The following ELL variants were observed in gnomAD, a reference collection of about 807,000 sequenced individuals.
The protein encoded by ELL is RNA polymerase II elongation factor ELL.
In ELL, 18 loss-of-function variants were observed where a neutral mutation model predicts 64.0. That is an observed-to-expected ratio of 0.28 (90% confidence interval 0.19 to 0.42). The LOEUF is 0.42. Among genes scored for constraint, ELL ranks in the 10% least tolerant of loss-of-function variants. ELL has a pLI of 1.00. For missense variants in ELL, 797 were observed against 870.4 expected, an observed-to-expected ratio of 0.92 and a Z score of 1.06; for synonymous variants, 399 against 376.2, an observed-to-expected ratio of 1.06 and a Z score of -0.70.
intron 1 of ELL, among the ~76,000 whole-genome samples, chr19:18,502,349 T>C (rs1263703003): frequency 1.3e-5 from 2 of 151,924 alleles, no homozygotes; most frequent in Non-Finnish European, 2.9e-5. Flanking sequence ...CAACTACGTC[T>C]TCTGAGTTGT....
rs1464278089 is a variant in ELL, at chr19:18,465,732, G to A, written c.305+65C>T. ...TTTCAATGGGGCACATCTCAACCCT[G>A]GGCCAGAGGTGGCAGGGTGACCTCA... On this transcript the variant is annotated intron_variant, in intron 3 of 11. Transcript: ENST00000262809. 9 of 1,431,004 alleles carry A rather than the reference G, an allele frequency of 6.3e-6. No homozygotes were observed. In the East Asian group the frequency reaches 2.4e-4, roughly 38 times the overall value. The allele number at this position is 1,431,004 out of a possible 1,614,324, so 88.6% of individuals were successfully genotyped here.
chr19:18,521,627 G>A (rs1453100441), intron 1 of ELL, among the ~76,000 whole-genome samples: 2 of 152,064 alleles, frequency 1.3e-5, no homozygotes. Flanking sequence ...AGGCCAGAAA[G>A]GCCCCGGACG....
At chr19:18,451,472 G>T in intron 7 of ELL, 80 bp downstream of exon 7, 1 of 1,219,334 alleles carries the variant, frequency 8.2e-7, no homozygotes, top group Non-Finnish European at 1.1e-6. Context: ...AGCTGGTGAG[G>T]AAGGTGACAA....
In ELL at chr19:18,446,357, C is replaced by G. The variant is rs777438862; in HGVS notation, c.1656G>C (p.Gln552His). 10 of 1,606,240 alleles carry G rather than the reference C, an allele frequency of 6.2e-6. No homozygotes were observed. The East Asian group carries it at 2.0e-4, about 32-fold the overall frequency. The change falls in exon 10 of 12, where the codon CAG becomes CAC. Residue 552 changes from glutamine to histidine, a missense_variant. Physicochemically the swap from Gln to His is conservative, Grantham distance 24 (BLOSUM62 0). Transcript: ENST00000262809. ...RIERITRRFT[Q>H]LDAQLRQLSQ... is the part of the protein sequence containing the mutation. The stretch of plus-strand genomic sequence containing the variant: ...AGAGCTGCCGGAGCTGGGCGTCGAG[C>G]TGGGTGAACCGCCGCGTGATGCGCT...
chr19:18,478,942 TGA>T (rs753477400), intron 1 of ELL, among the ~76,000 whole-genome samples: 10 of 152,168 alleles, frequency 6.6e-5, no homozygotes, highest in Non-Finnish European at 1.0e-4. Context: ...TGGGAGGCAG[TGA>T]GAGTCCTCAA....
intron 6 of ELL, among the ~76,000 whole-genome samples, chr19:18,453,205 C>T (rs1198480918): frequency 2.0e-5 from 3 of 152,164 alleles, no homozygotes; most frequent in Non-Finnish European, 2.9e-5. Flanking sequence ...ACCCGGGAGG[C>T]GGAGGTTGCA....
rs982740984 is a variant in ELL at position 18,443,996 on chromosome 19, A to G, written c.*756T>C. ...GAGTCTCAACTTGGAGCACAGAAACACAGTGGCCCCCGACAGCTGAGGGCC... is the reference window on the plus strand; with the variant it reads ...GAGTCTCAACTTGGAGCACAGAAACGCAGTGGCCCCCGACAGCTGAGGGCC... On this transcript the variant is annotated 3_prime_UTR_variant, in exon 12 of 12. Coordinates refer to ENST00000262809, the MANE Select transcript of ELL (RefSeq NM_006532.4). 4.3e-6 allele frequency: 1 copy of G among 232,116 alleles called. No individual in the cohort carries two copies. The highest frequency in any genetic ancestry group is 8.5e-6 in the Non-Finnish European group (1 of 117,440). 14.4% of individuals were successfully genotyped at this position (232,116 alleles called of 1,614,324 possible).
At position 18,473,133 on chromosome 19, in the gene ELL, G is replaced by A. The variant is rs1257840037; in HGVS notation, c.136-251C>T. 11 of 678,448 alleles carry A rather than the reference G, an allele frequency of 1.6e-5. No individual in the cohort carries two copies. The African/African-American group carries it at 1.9e-4, about 12-fold the overall frequency. 42.0% of individuals were successfully genotyped at this position (678,448 alleles called of 1,614,324 possible). On this transcript the variant is annotated intron_variant, in intron 1 of 11. Coordinates refer to ENST00000262809, the MANE Select transcript of ELL (RefSeq NM_006532.4). Reference sequence around the variant, plus strand: ...ATGACAGGTAAGAATGGGGCCTCCAGACACAGGCAACAGGCTGGCGGAAGG... The same window carrying A: ...ATGACAGGTAAGAATGGGGCCTCCAAACACAGGCAACAGGCTGGCGGAAGG...
intron 4 of ELL, among the ~76,000 whole-genome samples, chr19:18,465,185 A>G (rs1038285282): frequency 1.3e-5 from 2 of 152,240 alleles, no homozygotes; most frequent in Admixed American, 1.3e-4. Context: ...AGCAGCTGCC[A>G]TAACCCAACC....
chr19:18,476,206 G>A (rs1975171189), intron 1 of ELL, among the ~76,000 whole-genome samples: 1 of 152,210 alleles, frequency 6.6e-6, no homozygotes, highest in South Asian at 2.1e-4. Context: ...CAGAGAGCAG[G>A]TGGGCCCCGT....
intron 1 of ELL, among the ~76,000 whole-genome samples, chr19:18,476,320 A>ACTC: frequency 6.6e-6 from 1 of 152,232 alleles, no homozygotes; most frequent in South Asian, 2.1e-4. Flanking sequence ...TGAGCCAGGG[A>ACTC]TGAGGGCTCA....
chr19:18,495,292 G>C (rs1364391126), intron 1 of ELL, among the ~76,000 whole-genome samples: 1 of 152,132 alleles, frequency 6.6e-6, no homozygotes, highest in Non-Finnish European at 1.5e-5. Flanking sequence ...GGCATGACAA[G>C]GCTCGGGAGC....
At position 18,473,295 on chromosome 19, in the gene ELL, T is replaced by C; in HGVS notation, c.136-413A>G. The C allele has an allele frequency of 6.4e-6, 3 of 469,830 alleles. No individual in the cohort carries two copies. In the Admixed American group the frequency reaches 7.2e-5, roughly 11 times the overall value. The allele number at this position is 469,830 out of a possible 1,614,324, so 29.1% of individuals were successfully genotyped here. A position where few individuals can be genotyped will look rare whatever the true frequency, so the allele number is the denominator to read the frequency against. On this transcript the variant is annotated intron_variant, in intron 1 of 11. Coordinates refer to ENST00000262809, the MANE Select transcript of ELL (RefSeq NM_006532.4). ...AGCAAAGACAGGTCAGGGTTGACCC[T>C]GGATCATGACTCTCCCAAGGACCCA... is the stretch of plus-strand genomic sequence containing the variant.
chr19:18,480,147 C>T (rs1440775218), intron 1 of ELL, among the ~76,000 whole-genome samples: 1 of 152,254 alleles, frequency 6.6e-6, no homozygotes, highest in South Asian at 2.1e-4. Flanking sequence ...TGCCAAGCCA[C>T]GGCGTGTGGT....
intron 1 of ELL, among the ~76,000 whole-genome samples, chr19:18,497,307 G>C (rs139894130): frequency 6.6e-6 from 1 of 152,340 alleles, no homozygotes; most frequent in East Asian, 1.9e-4. Context: ...TACAGAACAC[G>C]CTGGAGAAAA....
intron 1 of ELL, among the ~76,000 whole-genome samples, chr19:18,508,612 C>T (rs1975934694): frequency 6.6e-6 from 1 of 152,232 alleles, no homozygotes; most frequent in Non-Finnish European, 1.5e-5. Flanking sequence ...ACAGTGGTTC[C>T]ATTAACACAC....
At chr19:18,473,421 C>G (rs117512253) in intron 1 of ELL, among the ~76,000 whole-genome samples, 2,716 of 152,344 alleles carry the variant, frequency 0.018, 34 homozygotes, top group Non-Finnish European at 0.028. Context: ...CTTTTAACAA[C>G]CAGGTGGGTG....
rs1228055509 is a variant in ELL, at chr19:18,446,489, G to A, written c.1533-9C>T. ...AGATGGCTGCGTACTTCCTGAAACA[G>A]GAGAGAGGGGCCACTGAGTGGAGGC... is the stretch of plus-strand genomic sequence containing the variant. On this transcript the variant is annotated splice_polypyrimidine_tract_variant and intron_variant, in intron 9 of 11. Coordinates refer to ENST00000262809, the MANE Select transcript of ELL (RefSeq NM_006532.4). 1 of 1,609,730 alleles carries A rather than the reference G, an allele frequency of 6.2e-7. No homozygotes were observed. Among genetic ancestry groups the A allele is most frequent in the Admixed American group, 1.7e-5 (1 of 59,854 alleles).
chr19:18,450,878 T>C lies in ELL; in HGVS notation c.1064A>G (p.Lys355Arg). ...TQRAQPAVNG[K>R]LGVPNGREAL... ...CTCACGGCCATTGGGCACGCCCAGC[T>C]TCCCGTTGACGGCAGGCTGAGCTCT... The change falls in exon 8 of 12, where the codon AAG becomes AGG. Residue 355 changes from lysine to arginine, a missense_variant. Physicochemically the swap from Lys to Arg is conservative, Grantham distance 26. Coordinates refer to ENST00000262809, the MANE Select transcript of ELL (RefSeq NM_006532.4). The C allele has an allele frequency of 6.3e-7, 1 of 1,582,220 alleles. No individual in the cohort carries two copies. Among genetic ancestry groups the C allele is most frequent in the East Asian group, 2.3e-5 (1 of 44,376 alleles).
Sources: allele counts gnomAD v4.1 joint callset (sites outside exome capture counted in the v4.1 genomes callset), GRCh38; gene constraint gnomAD v4.1.1; transcripts MANE v1.5; gene names NCBI Gene and HGNC (gene_info 2026-07-23, HGNC 2026-07-21).